Variants in UNC13A observed in about 807,000 individuals in gnomAD.
UNC13A encodes the protein unc-13 homolog A, also known as protein unc-13 homolog A.
A neutral mutation model predicts 219.7 loss-of-function variants in UNC13A; 61 were observed. That is an observed-to-expected ratio of 0.28 (90% CI 0.23 to 0.34). The LOEUF is 0.34. Ranked by LOEUF, UNC13A falls within the 10% of genes least tolerant of loss-of-function variation. UNC13A has a pLI of 1.00. For missense variants in UNC13A, 1,476 were observed against 2,270.3 expected (o/e 0.65, Z 7.11); for synonymous variants, 920 against 884.6 (o/e 1.04, Z -0.71).
chr19:17,643,674 G>A (rs1437706961), intron 19 of UNC13A, among the ~76,000 whole-genome samples: 1 of 152,110 alleles, frequency 6.6e-6, no homozygotes, highest in East Asian at 1.9e-4. Context: ...CCCTAGGCTT[G>A]AGTCTCCCTG....
In UNC13A at chr19:17,641,460, T is replaced by A. The variant is rs535280936; in HGVS notation, c.2569A>T (p.Thr857Ser). The A allele has an allele frequency of 6.2e-7, 1 of 1,614,134 alleles. No homozygotes were observed. Among genetic ancestry groups the A allele is most frequent in the East Asian group, 2.2e-5 (1 of 44,880 alleles). The change falls in exon 21 of 44, where the codon ACA (threonine) becomes TCA (serine). Residue 857 changes from threonine (T) to serine (S), a missense_variant. By Grantham distance (58) the Thr-to-Ser change is moderately conservative. Around this residue, in one of 14 missense-constraint regions of UNC13A, gnomAD observed 140 missense variants for 270.9 expected, o/e 0.52. Coordinates refer to ENST00000519716, the MANE Select transcript of UNC13A (RefSeq NM_001080421.3). ...DDAWKVYYDETAQEIVDEFAM... is the reference protein window; with the variant it reads ...DDAWKVYYDESAQEIVDEFAM... ...AACTCGTCCACAATCTCCTGGGCTGTCTCATCGTAGTAAACCTTCCAGGCA... is the reference window on the plus strand; with the variant it reads ...AACTCGTCCACAATCTCCTGGGCTGACTCATCGTAGTAAACCTTCCAGGCA...
intron 4 of UNC13A, among the ~76,000 whole-genome samples, chr19:17,671,019 T>C (rs1384619528): frequency 6.6e-6 from 1 of 152,082 alleles, no homozygotes; most frequent in Admixed American, 6.6e-5. Context: ...GCCTGGTTCA[T>C]ATTGGGTGAT....
In UNC13A at chr19:17,667,530, G is replaced by A. The variant is rs559579775; in HGVS notation, c.468+587C>T. 2.6e-5 allele frequency among the ~76,000 whole-genome samples: 4 copies of A among 152,150 alleles called. No homozygotes were observed. The South Asian group carries it at 8.3e-4, about 32-fold the overall frequency. On this transcript the variant is annotated intron_variant, in intron 6 of 43. Transcript: ENST00000519716. Reference sequence around the variant, plus strand: ...GCTCTGTTGCCCAGGCTGGAGTGCAGCAGCGTGATCTCGGCTCACTGCAAC... The same window carrying A: ...GCTCTGTTGCCCAGGCTGGAGTGCAACAGCGTGATCTCGGCTCACTGCAAC...
intron 1 of UNC13A, among the ~76,000 whole-genome samples, chr19:17,678,545 G>A (rs1205644784): frequency 1.3e-5 from 2 of 152,032 alleles, no homozygotes; most frequent in African/African-American, 4.8e-5. Flanking sequence ...CCTCTCTCTG[G>A]GCCTTCATCT....
intron 1 of UNC13A, among the ~76,000 whole-genome samples, chr19:17,679,272 C>T (rs557462511): frequency 1.1e-4 from 16 of 151,910 alleles, no homozygotes; most frequent in Non-Finnish European, 8.8e-5. Flanking sequence ...TGATGGTGCA[C>T]GCCTGTAGTC....
chr19:17,660,383 C>T (rs1426946869), intron 8 of UNC13A, among the ~76,000 whole-genome samples: 4 of 152,024 alleles, frequency 2.6e-5, no homozygotes, highest in Non-Finnish European at 4.4e-5. Flanking sequence ...CTAAGTAGCT[C>T]TTGACTAAAT....
At chr19:17,623,331 C>T (rs1024993974) in intron 36 of UNC13A, 2 of 500,462 alleles carry the variant, frequency 4.0e-6, no homozygotes, top group African/African-American at 2.0e-5. Context: ...TTCAGTGGGA[C>T]AGGGAGGGTG....
chr19:17,670,008 G>A (rs1293989880), intron 4 of UNC13A, among the ~76,000 whole-genome samples: 2 of 145,494 alleles, frequency 1.4e-5, no homozygotes, highest in African/African-American at 2.6e-5. Flanking sequence ...GTGCAGTGGC[G>A]CGATCTCGGC....
intron 20 of UNC13A, 92 bp from the exon 21 acceptor site, chr19:17,641,648 C>CTGCCTGTTTA (rs2076971467): frequency 7.6e-7 from 1 of 1,312,134 alleles, no homozygotes; most frequent in Non-Finnish European, 1.1e-6. Flanking sequence ...CATCATCCAT[C>CTGCCTGTTTA]TGCCTGTTTA....
intron 34 of UNC13A, chr19:17,626,171 A>ATCCG (rs200313952): frequency 0.016 from 2,525 of 153,970 alleles, 60 homozygotes; most frequent in African/African-American, 0.058. Context: ...CCATCCATCC[A>ATCCG]TCCATCCATC....
rs2079937217 is a variant in UNC13A at position 17,678,226 on chromosome 19, C to A, written c.23-2185G>T. Among the ~76,000 whole-genome samples the A allele has an allele frequency of 5.9e-5, 9 of 152,274 alleles. No homozygotes were observed. The South Asian group carries it at 1.9e-3, about 32-fold the overall frequency. On this transcript the variant is annotated intron_variant, in intron 1 of 43. Transcript: ENST00000519716. ...AGGCGCGGTGGCTCATGCCTGTAAT[C>A]CCAGCACTTTGGGAGGCCGAGGCAG...
rs2076766545 is a variant in UNC13A at position 17,624,881 on chromosome 19, A to C, written c.4145T>G (p.Val1382Gly). The stretch of plus-strand genomic sequence containing the variant: ...GATGGTTTTCTCCATGGTGTTCATA[A>C]CCAGCTTCCACAGCTCCTTCAGCAC... ...KRVLKELWKL[V>G]MNTMEKTIVL... The change falls in exon 35 of 44, where the codon GTT becomes GGT. Residue 1382 changes from valine (V) to glycine (G), a missense_variant. This residue lies in a region of UNC13A where 5 missense variants were observed against 31.3 expected (regional missense o/e 0.16). Coordinates refer to ENST00000519716, the MANE Select transcript of UNC13A (RefSeq NM_001080421.3). 6.2e-7 allele frequency: 1 copy of C among 1,613,748 alleles called. No homozygotes were observed. Among genetic ancestry groups the C allele is most frequent in the Non-Finnish European group, 8.5e-7 (1 of 1,179,802 alleles).
rs1017051140 is a variant in UNC13A at position 17,641,309 on chromosome 19, C to A, written c.2636+84G>T. ...CCCACTTCCTCTCTGGGTCTTCCCC[C>A]TGAGAATCCCTCCCACCCCAGACCT... On this transcript the variant is annotated intron_variant, in intron 21 of 43. Coordinates refer to ENST00000519716, the MANE Select transcript of UNC13A (RefSeq NM_001080421.3). 48 of 1,541,214 alleles carry A rather than the reference C, an allele frequency of 3.1e-5. No homozygotes were observed. The African/African-American group carries it at 5.8e-4, about 19-fold the overall frequency.
intron 41 of UNC13A, 61 bp downstream of exon 41, chr19:17,617,632 AGCCGTTCAG>A (rs1239548154): frequency 6.3e-7 from 1 of 1,584,176 alleles, no homozygotes; most frequent in Non-Finnish European, 8.6e-7. Context: ...AGCCAATGGC[AGCCGTTCAG>A]GCTTGGGGCG....
intron 1 of UNC13A, 53 bp downstream of exon 1, chr19:17,688,125 C>T (rs1387277354): frequency 6.9e-5 from 104 of 1,515,282 alleles, no homozygotes; most frequent in East Asian, 1.9e-4. Flanking sequence ...ACGCGGACCC[C>T]GACCCCAGCC....
chr19:17,672,624 T>TC, intron 3 of UNC13A, 129 bp from the exon 4 acceptor site: 1 of 658,500 alleles, frequency 1.5e-6, no homozygotes, highest in Non-Finnish European at 2.5e-6. Context: ...GTGTCCTAGG[T>TC]GGTAGGGTAA....
chr19:17,616,555 G>T, intron 41 of UNC13A: 1 of 606,034 alleles, frequency 1.7e-6, no homozygotes, highest in Non-Finnish European at 3.0e-6. Flanking sequence ...ATGGAGGAGT[G>T]TGTGTGGAGG....
chr19:17,669,319 G>C (rs1381809575), intron 5 of UNC13A, among the ~76,000 whole-genome samples: 1 of 152,144 alleles, frequency 6.6e-6, no homozygotes, highest in Non-Finnish European at 1.5e-5. Context: ...CGGTCGTGAA[G>C]CACTTGCAGC....
At chr19:17,664,778 G>A (rs2079611168) in intron 7 of UNC13A, among the ~76,000 whole-genome samples, 1 of 152,078 alleles carries the variant, frequency 6.6e-6, no homozygotes, top group Admixed American at 6.6e-5. Context: ...GTGGAAACAG[G>A]GTACCCCAGC....
Sources: allele counts gnomAD v4.1 joint callset (sites outside exome capture counted in the v4.1 genomes callset), GRCh38; gene constraint gnomAD v4.1.1; regional missense constraint gnomAD v4.1.1; transcripts MANE v1.5; gene names NCBI Gene and HGNC (gene_info 2026-07-23, HGNC 2026-07-21).